The following DNAH3 variants were observed in gnomAD, a reference collection of about 807,000 sequenced individuals.
DNAH3 encodes the protein axonemal beta dynein heavy chain 3.
In DNAH3, 332 loss-of-function variants were observed where a neutral mutation model predicts 432.5. The ratio of observed to expected loss-of-function variants is 0.77; its 90% CI spans 0.70 to 0.84. DNAH3 has a LOEUF of 0.84. Ranked by LOEUF, DNAH3 falls within the 40% of genes least tolerant of loss-of-function variation. The pLI, the probability that DNAH3 is intolerant of heterozygous loss-of-function variation, is 0.00. For synonymous variants in DNAH3, 1,956 were observed against 1,900.2 expected (o/e 1.03, Z -0.76); for missense variants, 4,861 against 5,114.0 (o/e 0.95, Z 1.51).
chr16:20,979,528 T>C (rs1413336819), exon 50 of DNAH3: 1 of 1,614,082 alleles, frequency 6.2e-7, no homozygotes, highest in Non-Finnish European at 8.5e-7. Flanking sequence ...CTTGGAAATA[T>C]TTGCACATGG....
intron 33 of DNAH3, among the ~76,000 whole-genome samples, chr16:21,039,208 G>A (rs936847406): frequency 2.1e-5 from 3 of 140,626 alleles, no homozygotes; most frequent in Admixed American, 2.1e-4. Flanking sequence ...ATGTTTTATA[G>A]TGTTGCTTTT....
intron 26 of DNAH3, among the ~76,000 whole-genome samples, chr16:21,059,882 T>C (rs761033746): frequency 4.6e-5 from 7 of 152,144 alleles, no homozygotes; most frequent in Non-Finnish European, 2.9e-5. Context: ...AAGCCTTACG[T>C]CATACCTATT....
At chr16:21,000,381 A>T (rs2086961594) in exon 43 of DNAH3, 13 of 1,613,866 alleles carry the variant, frequency 8.1e-6, no homozygotes, top group Non-Finnish European at 1.1e-5. Context: ...GAAGGTGGAG[A>T]AGGAAGTTGT....
intron 49 of DNAH3, among the ~76,000 whole-genome samples, chr16:20,981,363 A>G (rs930498076): frequency 6.6e-5 from 10 of 152,284 alleles, no homozygotes; most frequent in Admixed American, 3.9e-4. Context: ...AAAGTTCAAA[A>G]TACCCCAAAT....
chr16:20,983,228 C>G (rs1350615170), intron 48 of DNAH3, among the ~76,000 whole-genome samples: 1 of 152,154 alleles, frequency 6.6e-6, no homozygotes, highest in East Asian at 1.9e-4. Flanking sequence ...TGGGTTCAAG[C>G]TATTCTCCTG....
intron 34 of DNAH3, among the ~76,000 whole-genome samples, chr16:21,037,470 A>T (rs1002416261): frequency 6.6e-6 from 1 of 152,270 alleles, no homozygotes; most frequent in African/African-American, 2.4e-5. Flanking sequence ...CCTGGCAAGT[A>T]AGATTAAATT....
At chr16:21,050,688 C>T (rs929243851) in intron 29 of DNAH3, among the ~76,000 whole-genome samples, 4 of 152,222 alleles carry the variant, frequency 2.6e-5, no homozygotes, top group African/African-American at 7.2e-5. Context: ...AAGTGATCCA[C>T]CCACCTTGGC....
At chr16:20,954,710 G>T in intron 55 of DNAH3, 103 bp downstream of exon 55, 1 of 1,316,472 alleles carries the variant, frequency 7.6e-7, no homozygotes, top group Non-Finnish European at 1.0e-6. Flanking sequence ...TATCTTACTG[G>T]CAACCCTATC....
At chr16:21,099,224 G>A (rs979954285) in intron 16 of DNAH3, among the ~76,000 whole-genome samples, 6 of 149,112 alleles carry the variant, frequency 4.0e-5, no homozygotes, top group African/African-American at 1.2e-4. Flanking sequence ...GGGAGACCTA[G>A]ACAATAGACA....
intron 29 of DNAH3, among the ~76,000 whole-genome samples, chr16:21,050,369 T>A (rs2089903866): frequency 6.6e-6 from 1 of 152,216 alleles, no homozygotes; most frequent in Non-Finnish European, 1.5e-5. Context: ...AGAATACTCA[T>A]AAACTCTACA....
At chr16:21,146,762 TC>T (rs2092789351) in intron 1 of DNAH3, among the ~76,000 whole-genome samples, 1 of 120,232 alleles carries the variant, frequency 8.3e-6, no homozygotes, top group African/African-American at 3.2e-5. Context: ...CTTTTTTCTT[TC>T]TTTCTTTTTT....
At chr16:21,093,829 T>C (rs1305965003) in intron 18 of DNAH3, among the ~76,000 whole-genome samples, 2 of 152,190 alleles carry the variant, frequency 1.3e-5, no homozygotes, top group African/African-American at 2.4e-5. Context: ...AAAATTTTTT[T>C]TTCCCAATTA....
At chr16:21,132,702 G>A (rs1459443985) in intron 7 of DNAH3, among the ~76,000 whole-genome samples, 2 of 152,172 alleles carry the variant, frequency 1.3e-5, no homozygotes, top group East Asian at 1.9e-4. Flanking sequence ...AATCCATAGA[G>A]ACAGAAAATC....
intron 1 of DNAH3, among the ~76,000 whole-genome samples, chr16:21,158,033 T>G (rs1254203879): frequency 1.3e-5 from 2 of 152,174 alleles, no homozygotes; most frequent in East Asian, 3.8e-4. Flanking sequence ...AATAGCATAC[T>G]ATTCAGAAAC....
intron 36 of DNAH3, among the ~76,000 whole-genome samples, chr16:21,033,773 G>T (rs575071160): frequency 5.9e-5 from 9 of 152,142 alleles, no homozygotes; most frequent in Non-Finnish European, 8.8e-5. Flanking sequence ...ATATGCACAT[G>T]AAATCCCTTG....
At chr16:20,978,346 T>C (rs1382077114) in intron 50 of DNAH3, among the ~76,000 whole-genome samples, 1 of 152,104 alleles carries the variant, frequency 6.6e-6, no homozygotes, top group Non-Finnish European at 1.5e-5. Flanking sequence ...CTGGCCAACA[T>C]GGCAAAACCC....
At chr16:20,948,596 G>A (rs2301620) in exon 57 of DNAH3, 97,678 of 1,613,898 alleles carry the variant, frequency 0.061, 3,748 homozygotes, top group East Asian at 0.16. Context: ...AGGAGACGCC[G>A]GTCTTTGTCA....
chr16:21,072,483 C>T (rs1242108711), intron 21 of DNAH3, among the ~76,000 whole-genome samples: 4 of 152,038 alleles, frequency 2.6e-5, no homozygotes, highest in African/African-American at 7.2e-5. Flanking sequence ...AGCACCACCA[C>T]ACCGGGCTAA....
At chr16:21,088,782 A>G (rs1350685401) in intron 18 of DNAH3, among the ~76,000 whole-genome samples, 2 of 152,194 alleles carry the variant, frequency 1.3e-5, no homozygotes, top group Non-Finnish European at 2.9e-5. Context: ...AATAAATTCT[A>G]GGGTCCTGTC....
Sources: allele counts gnomAD v4.1 joint callset (sites outside exome capture counted in the v4.1 genomes callset), GRCh38; gene constraint gnomAD v4.1.1; transcripts MANE v1.5; gene names NCBI Gene and HGNC (gene_info 2026-07-23, HGNC 2026-07-21).